The following GRID1 variants were observed in gnomAD, a reference collection of about 807,000 sequenced individuals.
GRID1 encodes glutamate receptor ionotropic, delta-1.
Under a neutral mutation model 98.0 loss-of-function variants are expected in GRID1, and 28 were observed. That is an observed-to-expected ratio of 0.29 (90% confidence interval 0.21 to 0.39). The LOEUF (loss-of-function observed/expected upper bound fraction) is 0.39. Ranked by LOEUF, GRID1 falls within the 10% of genes least tolerant of loss-of-function variation. The pLI is 1.00. For synonymous variants in GRID1, 553 were observed against 538.5 expected (o/e 1.03, Z -0.37); for missense variants, 1,111 against 1,340.5 (o/e 0.83, Z 2.67).
chr10:86,281,482 C>T (rs541293371), intron 2 of GRID1, among the ~76,000 whole-genome samples: 1 of 152,330 alleles, frequency 6.6e-6, no homozygotes, highest in South Asian at 2.1e-4. Flanking sequence ...CCCTTCTCTC[C>T]TACCCACTGG....
At chr10:85,613,769 T>A in intron 14 of GRID1, 122 bp from the exon 15 acceptor site, 9 of 1,183,590 alleles carry the variant, frequency 7.6e-6, no homozygotes, top group Non-Finnish European at 1.1e-5. Context: ...CCTAGCAGCT[T>A]TCTGCCTTAG....
intron 4 of GRID1, among the ~76,000 whole-genome samples, chr10:86,020,467 T>C (rs1429797858): frequency 1.3e-5 from 2 of 152,252 alleles, no homozygotes; most frequent in Non-Finnish European, 2.9e-5. Flanking sequence ...GCACAGCCTG[T>C]GGGCTCAGGG....
intron 4 of GRID1, among the ~76,000 whole-genome samples, chr10:85,945,623 A>G (rs954118622): frequency 1.3e-5 from 2 of 152,238 alleles, no homozygotes; most frequent in African/African-American, 4.8e-5. Context: ...TTAGAAAGTC[A>G]TTTCAAAGCA....
chr10:86,050,780 A>T (rs1185404403), intron 4 of GRID1, among the ~76,000 whole-genome samples: 1 of 152,104 alleles, frequency 6.6e-6, no homozygotes, highest in Admixed American at 6.6e-5. Context: ...ATAATAACTT[A>T]TAAATGTAAA....
At chr10:85,822,087 G>GA (rs1305062319) in intron 8 of GRID1, among the ~76,000 whole-genome samples, 1 of 152,062 alleles carries the variant, frequency 6.6e-6, no homozygotes, top group Non-Finnish European at 1.5e-5. Flanking sequence ...AAAAACCCTA[G>GA]AAGAAAACCT....
At chr10:86,114,339 T>A (rs1844539332) in intron 4 of GRID1, among the ~76,000 whole-genome samples, 1 of 151,558 alleles carries the variant, frequency 6.6e-6, no homozygotes, top group South Asian at 2.1e-4. Flanking sequence ...GCCTGGGGAG[T>A]GGACAGGGAA....
intron 8 of GRID1, among the ~76,000 whole-genome samples, chr10:85,754,759 T>G (rs1842079984): frequency 6.6e-6 from 1 of 152,140 alleles, no homozygotes; most frequent in Non-Finnish European, 1.5e-5. Flanking sequence ...GGGTCAAACT[T>G]TGGTTCAAAT....
At chr10:85,760,752 G>T (rs1201644859) in intron 8 of GRID1, among the ~76,000 whole-genome samples, 2 of 152,170 alleles carry the variant, frequency 1.3e-5, no homozygotes, top group Non-Finnish European at 2.9e-5. Context: ...AAGGGCTCCA[G>T]AAAGTGAGAA....
chr10:85,960,916 T>C (rs1842257446), intron 4 of GRID1, among the ~76,000 whole-genome samples: 1 of 152,008 alleles, frequency 6.6e-6, no homozygotes, highest in Non-Finnish European at 1.5e-5. Flanking sequence ...GAGGAGGGGC[T>C]TCTGCAGACC....
chr10:85,677,709 G>A (rs576413107), intron 12 of GRID1, among the ~76,000 whole-genome samples: 2 of 152,296 alleles, frequency 1.3e-5, no homozygotes, highest in African/African-American at 4.8e-5. Flanking sequence ...GAATGGAGTC[G>A]TAAGTTTGAC....
chr10:85,775,347 G>T (rs1486195634), intron 8 of GRID1, among the ~76,000 whole-genome samples: 1 of 150,306 alleles, frequency 6.7e-6, no homozygotes, highest in African/African-American at 2.5e-5. Flanking sequence ...GAGGGAGGAG[G>T]GATAGCTTTA....
At chr10:85,691,081 G>T (rs1039559239) in intron 12 of GRID1, among the ~76,000 whole-genome samples, 1 of 152,128 alleles carries the variant, frequency 6.6e-6, no homozygotes, top group African/African-American at 2.4e-5. Flanking sequence ...CTATTTTGGA[G>T]GTGAGAAAGC....
rs186125614 is a variant in GRID1, at chr10:86,188,311, C to T, written c.520+18053G>A. 9.5e-4 allele frequency among the ~76,000 whole-genome samples: 145 copies of T among 152,364 alleles called. 1 individual carries two copies. The East Asian group carries it at 0.026, about 28-fold the overall frequency. Reference sequence around the variant, plus strand: ...GCCCGTTCAGCTATGCTGATGCCATCCCCATGCCAACAAGGGCTCAGGCTC... The same window carrying T: ...GCCCGTTCAGCTATGCTGATGCCATTCCCATGCCAACAAGGGCTCAGGCTC... On this transcript the variant is annotated intron_variant, in intron 3 of 15. Coordinates refer to ENST00000327946, the MANE Select transcript of GRID1 (RefSeq NM_017551.3).
intron 3 of GRID1, among the ~76,000 whole-genome samples, chr10:86,177,972 G>T (rs1052670190): frequency 6.6e-6 from 1 of 152,152 alleles, no homozygotes; most frequent in Non-Finnish European, 1.5e-5. Flanking sequence ...AACATACTAT[G>T]CTCCCCTCCG....
intron 4 of GRID1, among the ~76,000 whole-genome samples, chr10:86,018,650 A>G (rs1564651315): frequency 6.6e-6 from 1 of 152,070 alleles, no homozygotes; most frequent in Non-Finnish European, 1.5e-5. Context: ...GCCTCTGGAG[A>G]CTACCAGCCC....
chr10:85,799,762 T>C (rs922458270), intron 8 of GRID1, among the ~76,000 whole-genome samples: 1 of 151,912 alleles, frequency 6.6e-6, no homozygotes, highest in African/African-American at 2.4e-5. Context: ...GGTATAAAAT[T>C]AGTTAAAGAG....
At chr10:85,848,048 G>A (rs145922942) in intron 8 of GRID1, among the ~76,000 whole-genome samples, 517 of 152,170 alleles carry the variant, frequency 3.4e-3, no homozygotes, top group African/African-American at 0.012. Flanking sequence ...ACTTTAAAAT[G>A]TACAATCTCA....
intron 2 of GRID1, among the ~76,000 whole-genome samples, chr10:86,321,314 A>G (rs1847967699): frequency 6.6e-6 from 1 of 152,170 alleles, no homozygotes; most frequent in Admixed American, 6.5e-5. Flanking sequence ...AAGGTCACCC[A>G]GTAAAAATGA....
chr10:85,858,826 A>G (rs1461683376), intron 6 of GRID1, among the ~76,000 whole-genome samples: 1 of 152,226 alleles, frequency 6.6e-6, no homozygotes, highest in African/African-American at 2.4e-5. Context: ...CCACAGCACC[A>G]GCGCATCTGT....
Sources: allele counts gnomAD v4.1 joint callset (sites outside exome capture counted in the v4.1 genomes callset), GRCh38; gene constraint gnomAD v4.1.1; transcripts MANE v1.5; gene names NCBI Gene and HGNC (gene_info 2026-07-23, HGNC 2026-07-21).